Variants in ADGRL3 observed in about 807,000 individuals in gnomAD.
ADGRL3 encodes calcium-independent alpha-latrotoxin receptor 3.
In ADGRL3, 62 loss-of-function variants were observed where a neutral mutation model predicts 153.5. The observed-to-expected ratio is 0.40, with a 90% confidence interval of 0.33 to 0.50. The LOEUF (loss-of-function observed/expected upper bound fraction) is 0.50, where lower values mean the gene tolerates loss of function less well. Among genes scored for constraint, ADGRL3 ranks in the 20% least tolerant of loss-of-function variants. The probability of loss-of-function intolerance (pLI) is 0.47; values close to 1 mark genes in which losing one functional copy is unlikely to be tolerated. For synonymous variants in ADGRL3, 710 were observed against 672.5 expected, an observed-to-expected ratio of 1.06 and a Z score of -0.86; for missense variants, 1,641 against 1,859.4, an observed-to-expected ratio of 0.88 and a Z score of 2.16.
intron 9 of ADGRL3, among the ~76,000 whole-genome samples, chr4:61,884,824 C>T (rs939436078): frequency 1.3e-5 from 2 of 151,474 alleles, no homozygotes; most frequent in East Asian, 2.0e-4. Context: ...AGGTTTTTGC[C>T]GTGTTGGTCA....
At chr4:61,669,128 C>A (rs1275343621) in intron 5 of ADGRL3, among the ~76,000 whole-genome samples, 1 of 152,136 alleles carries the variant, frequency 6.6e-6, no homozygotes, top group Non-Finnish European at 1.5e-5. Flanking sequence ...TTAATAAATG[C>A]TGAATGTATG....
chr4:61,780,224 A>G (rs1230528206), intron 8 of ADGRL3, among the ~76,000 whole-genome samples: 1 of 152,226 alleles, frequency 6.6e-6, no homozygotes, highest in Non-Finnish European at 1.5e-5. Context: ...TATGGTTGAC[A>G]GAGAAGAGCA....
intron 3 of ADGRL3, among the ~76,000 whole-genome samples, chr4:61,505,068 A>C (rs574470886): frequency 6.6e-6 from 1 of 152,184 alleles, no homozygotes; most frequent in Non-Finnish European, 1.5e-5. Context: ...TTATATTCCC[A>C]CCGACAGACA....
intron 9 of ADGRL3, among the ~76,000 whole-genome samples, chr4:61,843,080 T>G (rs887683693): frequency 2.0e-5 from 3 of 152,114 alleles, no homozygotes; most frequent in African/African-American, 7.2e-5. Flanking sequence ...CACCAAGGAT[T>G]AAGTCTTTCA....
At chr4:61,384,043 A>G (rs2096705976) in intron 2 of ADGRL3, among the ~76,000 whole-genome samples, 1 of 151,906 alleles carries the variant, frequency 6.6e-6, no homozygotes, top group Non-Finnish European at 1.5e-5. Flanking sequence ...TGAATTATTG[A>G]CATAATTGAT....
chr4:62,062,857 GT>G (rs1173835574), intron 25 of ADGRL3, among the ~76,000 whole-genome samples: 2 of 151,976 alleles, frequency 1.3e-5, no homozygotes, highest in African/African-American at 2.4e-5. Context: ...GCATCTATAT[GT>G]TTTTTATCAG....
chr4:61,454,053 A>G (rs2097706415), intron 2 of ADGRL3, among the ~76,000 whole-genome samples: 1 of 152,152 alleles, frequency 6.6e-6, no homozygotes, highest in African/African-American at 2.4e-5. Flanking sequence ...AGTATTTCAA[A>G]ATCGATTTGA....
At chr4:61,762,882 A>T (rs1012847746) in intron 8 of ADGRL3, among the ~76,000 whole-genome samples, 1 of 152,120 alleles carries the variant, frequency 6.6e-6, no homozygotes, top group Non-Finnish European at 1.5e-5. Context: ...AAATAAATCC[A>T]TTCTATCTTA....
chr4:61,266,368 A>G (rs896488348), intron 1 of ADGRL3, among the ~76,000 whole-genome samples: 1 of 151,818 alleles, frequency 6.6e-6, no homozygotes, highest in Non-Finnish European at 1.5e-5. Context: ...TTGTGCTCAA[A>G]CATATTCATA....
chr4:61,428,798 A>G (rs1034211378), intron 2 of ADGRL3, among the ~76,000 whole-genome samples: 1 of 152,078 alleles, frequency 6.6e-6, no homozygotes, highest in African/African-American at 2.4e-5. Context: ...TAACTATCAT[A>G]TATCTCACAT....
intron 4 of ADGRL3, among the ~76,000 whole-genome samples, chr4:61,538,019 T>C (rs1329156464): frequency 6.6e-6 from 1 of 152,192 alleles, no homozygotes; most frequent in African/African-American, 2.4e-5. Context: ...GTACAATCCT[T>C]TGGAGGTCTC....
intron 4 of ADGRL3, among the ~76,000 whole-genome samples, chr4:61,569,209 T>G (rs2098828617): frequency 6.6e-6 from 1 of 152,194 alleles, no homozygotes; most frequent in South Asian, 2.1e-4. Context: ...TTTGTGCTTT[T>G]TCATAATACA....
At chr4:61,207,391 T>C (rs1737795362) in intron 1 of ADGRL3, among the ~76,000 whole-genome samples, 1 of 152,212 alleles carries the variant, frequency 6.6e-6, no homozygotes, top group Admixed American at 6.5e-5. Context: ...TCCCTCTTTA[T>C]GGCTGCATAG....
intron 2 of ADGRL3, among the ~76,000 whole-genome samples, chr4:61,393,468 A>G (rs1423728619): frequency 6.6e-6 from 1 of 152,088 alleles, no homozygotes; most frequent in Non-Finnish European, 1.5e-5. Flanking sequence ...AGTAAATGTA[A>G]ACTCATTTCC....
intron 1 of ADGRL3, among the ~76,000 whole-genome samples, chr4:61,270,254 T>C (rs1458164103): frequency 6.6e-6 from 1 of 151,666 alleles, no homozygotes; most frequent in Non-Finnish European, 1.5e-5. Flanking sequence ...AAACTTTAAA[T>C]TGTAGGCTCT....
intron 17 of ADGRL3, among the ~76,000 whole-genome samples, chr4:61,952,421 G>A (rs1347366995): frequency 6.6e-6 from 1 of 151,474 alleles, no homozygotes; most frequent in African/African-American, 2.4e-5. Flanking sequence ...TGAGGCTGCA[G>A]TGAGCTGTGA....
intron 5 of ADGRL3, among the ~76,000 whole-genome samples, chr4:61,620,438 T>C (rs563698252): frequency 5.3e-5 from 8 of 152,192 alleles, no homozygotes; most frequent in African/African-American, 1.9e-4. Context: ...ATGATGGCTT[T>C]TCCTGAGGTG....
intron 9 of ADGRL3, among the ~76,000 whole-genome samples, chr4:61,881,597 C>T (rs1276809141): frequency 6.6e-6 from 1 of 152,146 alleles, no homozygotes; most frequent in Non-Finnish European, 1.5e-5. Flanking sequence ...AGGCTGGTCT[C>T]GAACTCCTGA....
intron 9 of ADGRL3, among the ~76,000 whole-genome samples, chr4:61,826,957 G>A (rs988908173): frequency 3.9e-5 from 6 of 152,048 alleles, no homozygotes; most frequent in Non-Finnish European, 7.4e-5. Context: ...TGCCCCTTCT[G>A]TTCTCCGAAG....
Sources: gnomAD v4.1 joint callset for allele counts (sites outside exome capture counted in the v4.1 genomes callset) on GRCh38, gnomAD v4.1.1 for gene constraint, MANE v1.5 for transcripts, NCBI Gene and HGNC (gene_info 2026-07-23, HGNC 2026-07-21) for gene names.